MTMR7: variants seen among roughly 807,000 people sequenced by gnomAD.
MTMR7 encodes the protein myotubularin related protein 7, also known as phosphatidylinositol-3-phosphate phosphatase MTMR7.
MTMR7 carries 76 observed loss-of-function variants against 81.2 expected under a neutral mutation model. The ratio of observed to expected loss-of-function variants is 0.94; its 90% CI spans 0.78 to 1.13. The LOEUF is 1.13. MTMR7 is among the 50% of genes most tolerant of loss of function. MTMR7 has a pLI of 0.00. For synonymous variants in MTMR7, 372 were observed against 289.8 expected (o/e 1.28, Z -2.88); for missense variants, 1,044 against 820.0 (o/e 1.27, Z -3.34).
intron 1 of MTMR7, 69 bp downstream of exon 1, chr8:17,413,200 G>A (rs1821784578): frequency 1.3e-6 from 2 of 1,514,748 alleles, no homozygotes; most frequent in Non-Finnish European, 1.8e-6. Context: ...CCTCCCGCGC[G>A]CTCAGCATCC....
intron 1 of MTMR7, among the ~76,000 whole-genome samples, chr8:17,383,810 C>A (rs757333364): frequency 1.3e-5 from 2 of 151,692 alleles, no homozygotes; most frequent in East Asian, 3.9e-4. Context: ...ATTCTCTGGG[C>A]GGAGCTCTGA....
At position 17,413,271 on chromosome 8, in the gene MTMR7, T is replaced by G. The variant is rs771985266; in HGVS notation, c.22A>C (p.Lys8Gln). 2.5e-5 allele frequency: 38 copies of G among 1,548,136 alleles called. No individual in the cohort carries two copies. The highest frequency in any genetic ancestry group is 3.3e-5 in the Non-Finnish European group (38 of 1,145,140). Residue 8 changes from lysine to glutamine, a missense_variant and splice_region_variant, in exon 1 of 14, where the codon AAG (lysine) becomes CAG (glutamine). By Grantham distance (53) the Lys-to-Gln change is moderately conservative. Coordinates refer to ENST00000180173, the MANE Select transcript of MTMR7 (RefSeq NM_004686.5). ...CCGCCCGCGCTGGTGTCACCAACCT[T>G]GGGCGTACGGATGTGCTCCATGGCT... MEHIRTPKVENVRLVDRV... is the reference protein window; with the variant it reads MEHIRTPQVENVRLVDRV...
intron 1 of MTMR7, among the ~76,000 whole-genome samples, chr8:17,392,212 C>G (rs1196908121): frequency 6.6e-6 from 1 of 152,140 alleles, no homozygotes; most frequent in Non-Finnish European, 1.5e-5. Context: ...ATATGTACAT[C>G]TGTGAAAACA....
intron 5 of MTMR7, among the ~76,000 whole-genome samples, chr8:17,348,169 T>A (rs948005456): frequency 3.3e-5 from 5 of 152,104 alleles, no homozygotes; most frequent in African/African-American, 1.2e-4. Flanking sequence ...AATAATATTT[T>A]AAAAATAAAA....
rs72607374 is a variant in MTMR7 at position 17,413,328 on chromosome 8, G to C, written c.-36C>G. On this transcript the variant is annotated 5_prime_UTR_variant, in exon 1 of 14. Coordinates refer to ENST00000180173, the MANE Select transcript of MTMR7 (RefSeq NM_004686.5). ...CGTCTGCAGGGTCCCGGGCGGGCGC[G>C]GCCTCACGCACCTGCGCGCCTCTGC... 741,593 of 1,514,880 alleles carry C rather than the reference G, an allele frequency of 0.49. 188,335 individuals are homozygous for C. The highest frequency in any genetic ancestry group is 0.63 in the Admixed American group (29,383 of 46,614). 93.8% of individuals were successfully genotyped at this position (1,514,880 alleles called of 1,614,324 possible).
intron 2 of MTMR7, 37 bp downstream of exon 2, chr8:17,373,081 C>T (rs762234533): frequency 5.7e-5 from 91 of 1,608,788 alleles, no homozygotes; most frequent in Admixed American, 1.2e-4. Flanking sequence ...CTTCAAACAA[C>T]GCAAAACAAG....
intron 1 of MTMR7, among the ~76,000 whole-genome samples, chr8:17,378,591 G>C (rs1820661384): frequency 6.6e-6 from 1 of 152,154 alleles, no homozygotes; most frequent in Non-Finnish European, 1.5e-5. Flanking sequence ...AAACAAAATT[G>C]TTGCAACTCA....
intron 1 of MTMR7, among the ~76,000 whole-genome samples, chr8:17,402,881 C>G (rs765909167): frequency 2.6e-5 from 4 of 152,152 alleles, no homozygotes; most frequent in Non-Finnish European, 5.9e-5. Flanking sequence ...TGAGAGTTCC[C>G]TTTTCTTCTT....
At chr8:17,358,116 T>C (rs1444887210) in intron 4 of MTMR7, among the ~76,000 whole-genome samples, 1 of 152,148 alleles carries the variant, frequency 6.6e-6, no homozygotes, top group Non-Finnish European at 1.5e-5. Flanking sequence ...TCACAGATAG[T>C]ATTTTACCGC....
intron 10 of MTMR7, among the ~76,000 whole-genome samples, chr8:17,307,471 A>G (rs1817528485): frequency 6.6e-6 from 1 of 152,176 alleles, no homozygotes; most frequent in Non-Finnish European, 1.5e-5. Context: ...TGTGGAAGTC[A>G]GTGTGGCGAT....
At chr8:17,399,841 T>C (rs962798590) in intron 1 of MTMR7, among the ~76,000 whole-genome samples, 2 of 135,220 alleles carry the variant, frequency 1.5e-5, no homozygotes, top group Non-Finnish European at 3.4e-5. Flanking sequence ...GAAAACATAG[T>C]ACATATATAC....
At chr8:17,412,993 T>C (rs13275431) in intron 1 of MTMR7, among the ~76,000 whole-genome samples, 34,048 of 152,184 alleles carry the variant, frequency 0.22, 4,584 homozygotes, top group South Asian at 0.3. Flanking sequence ...AGCAGACAAC[T>C]GAGGTTCCCT....
intron 1 of MTMR7, among the ~76,000 whole-genome samples, chr8:17,384,466 G>C (rs1348465993): frequency 6.6e-6 from 1 of 152,092 alleles, no homozygotes; most frequent in East Asian, 1.9e-4. Context: ...ACAGACTTCA[G>C]AGTTTTACTT....
chr8:17,405,006 T>C (rs1005587052), intron 1 of MTMR7, among the ~76,000 whole-genome samples: 7 of 152,156 alleles, frequency 4.6e-5, no homozygotes, highest in African/African-American at 7.2e-5. Flanking sequence ...TTGTATTTTA[T>C]ATTAGTAGAG....
At chr8:17,364,782 T>TGTATG (rs1585093516) in intron 3 of MTMR7, among the ~76,000 whole-genome samples, 1 of 152,252 alleles carries the variant, frequency 6.6e-6, no homozygotes, top group East Asian at 1.9e-4. Context: ...TTCCATTATT[T>TGTATG]GTATATACCA....
rs1379937046 is a variant in MTMR7, at chr8:17,375,265, G to A, written c.25-2025C>T. ...CCTCAGTCTCCTCTAAGCCCTTAGA[G>A]CCAAGCCAGCCCTCTAGGAGTAGCT... On this transcript the variant is annotated intron_variant, in intron 1 of 13. Transcript: ENST00000180173. Among the ~76,000 whole-genome samples the A allele has an allele frequency of 2.6e-5, 4 of 152,174 alleles. No individual in the cohort carries two copies. The East Asian group carries it at 7.7e-4, about 29-fold the overall frequency.
chr8:17,307,178 C>CA (rs1458753605), intron 10 of MTMR7, among the ~76,000 whole-genome samples: 5 of 151,820 alleles, frequency 3.3e-5, no homozygotes, highest in Non-Finnish European at 7.4e-5. Context: ...AAAATGAACT[C>CA]AAACAAATTT....
intron 1 of MTMR7, among the ~76,000 whole-genome samples, chr8:17,404,267 AAG>A: frequency 6.6e-6 from 1 of 152,136 alleles, no homozygotes; most frequent in African/African-American, 2.4e-5. Context: ...AGGAGATAAA[AAG>A]AGGATTGAAG....
At chr8:17,323,409 A>G (rs574545879) in intron 7 of MTMR7, among the ~76,000 whole-genome samples, 2 of 152,262 alleles carry the variant, frequency 1.3e-5, no homozygotes, top group South Asian at 4.1e-4. Context: ...AGCCAGGATG[A>G]ACAGGAACCA....
Sources: allele counts gnomAD v4.1 joint callset (sites outside exome capture counted in the v4.1 genomes callset), GRCh38; gene constraint gnomAD v4.1.1; transcripts MANE v1.5; gene names NCBI Gene and HGNC (gene_info 2026-07-23, HGNC 2026-07-21).